Variants in DIP2C observed in about 807,000 individuals in gnomAD.
The protein encoded by DIP2C is disco-interacting protein 2 homolog C.
A neutral mutation model predicts 192.4 loss-of-function variants in DIP2C; 33 were observed. The observed-to-expected ratio is 0.17, with a 90% confidence interval of 0.13 to 0.23. The LOEUF (loss-of-function observed/expected upper bound fraction) is 0.23. DIP2C is among the 10% of genes least tolerant of loss of function. The probability of loss-of-function intolerance (pLI) is 1.00; values close to 1 mark genes in which losing one functional copy is unlikely to be tolerated. For missense variants in DIP2C, 1,537 were observed against 2,110.1 expected (o/e 0.73, Z 5.32); for synonymous variants, 979 against 864.1 (o/e 1.13, Z -2.33).
chr10:477,861 G>A (rs1435012126), intron 2 of DIP2C, among the ~76,000 whole-genome samples: 2 of 132,636 alleles, frequency 1.5e-5, no homozygotes, highest in Non-Finnish European at 3.2e-5. Flanking sequence ...AGAAGTGAAG[G>A]AAGCAGAGAG....
At chr10:313,425 T>C (rs1315612190) in intron 31 of DIP2C, among the ~76,000 whole-genome samples, 1 of 152,246 alleles carries the variant, frequency 6.6e-6, no homozygotes, top group East Asian at 1.9e-4. Context: ...CTTCCATATC[T>C]GTGAGTTTCG....
chr10:426,849 C>G (rs1212328282), intron 4 of DIP2C, among the ~76,000 whole-genome samples: 1 of 152,018 alleles, frequency 6.6e-6, no homozygotes, highest in Non-Finnish European at 1.5e-5. Context: ...AACCAAACCA[C>G]AACAAACAAA....
chr10:640,723 G>C (rs1773509), intron 1 of DIP2C, among the ~76,000 whole-genome samples: 310 of 10,962 alleles, frequency 0.028, 45 homozygotes, highest in South Asian at 0.18. Flanking sequence ...GGCTGCGCGC[G>C]GGGAAGAGGG....
chr10:383,636 T>A (rs1166477289), intron 16 of DIP2C, among the ~76,000 whole-genome samples: 1 of 152,230 alleles, frequency 6.6e-6, no homozygotes, highest in Non-Finnish European at 1.5e-5. Flanking sequence ...ATTTCTTGAA[T>A]ATTTCCTTAT....
chr10:646,076 G>A (rs572837441), intron 1 of DIP2C, among the ~76,000 whole-genome samples: 7 of 152,330 alleles, frequency 4.6e-5, no homozygotes, highest in East Asian at 1.9e-4. Flanking sequence ...AAGAGCAGGG[G>A]CACGTTCCCA....
chr10:585,367 G>C (rs1850954146), intron 1 of DIP2C, among the ~76,000 whole-genome samples: 1 of 152,176 alleles, frequency 6.6e-6, no homozygotes, highest in African/African-American at 2.4e-5. Flanking sequence ...CAGAAGACGG[G>C]TGTTCCCAAA....
intron 2 of DIP2C, among the ~76,000 whole-genome samples, chr10:485,634 A>C (rs1843961002): frequency 6.6e-6 from 1 of 152,254 alleles, no homozygotes; most frequent in Non-Finnish European, 1.5e-5. Context: ...GGCCTCGGGA[A>C]GAACAGAATC....
At chr10:577,470 A>G (rs11253256) in intron 1 of DIP2C, among the ~76,000 whole-genome samples, 58,142 of 152,098 alleles carry the variant, frequency 0.38, 13,636 homozygotes, top group South Asian at 0.65. Context: ...CAAGCTCTCT[A>G]TGAAGGTGGT....
chr10:413,307 GCGGTTT>G (rs1368976761), intron 8 of DIP2C, among the ~76,000 whole-genome samples: 3 of 152,214 alleles, frequency 2.0e-5, no homozygotes, highest in Non-Finnish European at 4.4e-5. Context: ...TAAGGGAAAG[GCGGTTT>G]CTCTGGCCTT....
At chr10:671,779 A>G (rs1280549816) in intron 1 of DIP2C, among the ~76,000 whole-genome samples, 1 of 140,480 alleles carries the variant, frequency 7.1e-6, no homozygotes, top group Non-Finnish European at 1.5e-5. Flanking sequence ...AACGCCACAG[A>G]CGCACGGACG....
chr10:687,973 C>T (rs905501677), intron 1 of DIP2C, among the ~76,000 whole-genome samples: 1 of 152,164 alleles, frequency 6.6e-6, no homozygotes. Flanking sequence ...CCTGAGACAG[C>T]GAACACGGAG....
At chr10:444,802 A>C (rs1237478455) in intron 3 of DIP2C, among the ~76,000 whole-genome samples, 1 of 152,246 alleles carries the variant, frequency 6.6e-6, no homozygotes, top group Non-Finnish European at 1.5e-5. Context: ...CAATGTATGA[A>C]TATATCATAA....
intron 29 of DIP2C, among the ~76,000 whole-genome samples, chr10:332,855 T>C (rs1028713880): frequency 1.3e-5 from 2 of 152,108 alleles, no homozygotes; most frequent in African/African-American, 4.8e-5. Context: ...AGGCATGCCA[T>C]CCAGCCCAGG....
chr10:354,011 A>T (rs1341196136), intron 24 of DIP2C, among the ~76,000 whole-genome samples: 1 of 152,242 alleles, frequency 6.6e-6, no homozygotes. Flanking sequence ...CAGGCCCAGC[A>T]TCTCTTCAGT....
intron 1 of DIP2C, among the ~76,000 whole-genome samples, chr10:504,133 T>C (rs186456404): frequency 2.6e-5 from 4 of 152,346 alleles, no homozygotes; most frequent in Admixed American, 2.0e-4. Flanking sequence ...ACTGCCTTCC[T>C]AACCAGAGCA....
At chr10:507,666 C>T (rs1023876523) in intron 1 of DIP2C, among the ~76,000 whole-genome samples, 1 of 152,198 alleles carries the variant, frequency 6.6e-6, no homozygotes, top group Non-Finnish European at 1.5e-5. Flanking sequence ...CCCAAAAGCT[C>T]GTCCGTCTTT....
chr10:345,344 G>A (rs1241824243), intron 26 of DIP2C, among the ~76,000 whole-genome samples: 2 of 106,470 alleles, frequency 1.9e-5, no homozygotes, highest in African/African-American at 7.2e-5. Flanking sequence ...CCTGGGCCCA[G>A]TGCATCCACA....
chr10:658,127 CG>C (rs1856511055), intron 1 of DIP2C, among the ~76,000 whole-genome samples: 1 of 140,002 alleles, frequency 7.1e-6, no homozygotes, highest in African/African-American at 2.8e-5. Context: ...CTGGACCTGC[CG>C]CTGGACCTGT....
At chr10:580,140 TAC>T (rs748328768) in intron 1 of DIP2C, among the ~76,000 whole-genome samples, 3 of 152,180 alleles carry the variant, frequency 2.0e-5, no homozygotes, top group Non-Finnish European at 2.9e-5. Context: ...GCATATAGTG[TAC>T]ACATATCCGA....
Sources: allele counts gnomAD v4.1 joint callset (sites outside exome capture counted in the v4.1 genomes callset), GRCh38; gene constraint gnomAD v4.1.1; transcripts MANE v1.5; gene names NCBI Gene and HGNC (gene_info 2026-07-23, HGNC 2026-07-21).